Variants in GALNT15 observed in about 807,000 individuals in gnomAD.
The protein encoded by GALNT15 is polypeptide N-acetylgalactosaminyltransferase 15, also known as UDP-GalNAc transferase T15.
A neutral mutation model predicts 66.8 loss-of-function variants in GALNT15; 67 were observed. The observed-to-expected ratio is 1.00, with a 90% CI of 0.82 to 1.23. The LOEUF is 1.23. Ranked by LOEUF, GALNT15 falls within the 50% of genes most tolerant of loss-of-function variation. GALNT15 has a pLI of 0.00. For synonymous variants in GALNT15, 313 were observed against 311.5 expected (o/e 1.00, Z -0.05); for missense variants, 827 against 804.3 (o/e 1.03, Z -0.34).
Position 16,186,001 on chromosome 3 carries a change from T to A in GALNT15, c.540-9759T>A, listed in dbSNP as rs1435360530. Among the ~76,000 whole-genome samples, 1 of 152,040 alleles carries A rather than the reference T, an allele frequency of 6.6e-6. No individual in the cohort carries two copies. The highest frequency in any genetic ancestry group is 1.5e-5 in the Non-Finnish European group (1 of 68,012). On this transcript the variant is annotated intron_variant, in intron 1 of 9. Transcript: ENST00000339732. The surrounding 1 kb of genome is among the most constrained non-coding windows in gnomAD (Gnocchi z 5.1). ...GCTTCAAAAGATGTCATCAAGAAAGTGAAAAGACAATCCAAGAGTAGAAGA... is the reference window on the plus strand; with the variant it reads ...GCTTCAAAAGATGTCATCAAGAAAGAGAAAAGACAATCCAAGAGTAGAAGA...
chr3:16,175,236 AT>A lies in GALNT15; in HGVS notation c.86del (p.Met29ArgfsTer121). Reference protein sequence around the residue: ...LLLMLGCVLMMVAMLHPPHHT... With the variant: ...LLLMLGCVLMXVAMLHPPHHT... ...CCTGATGCTGGGATGCGTCCTGATG[AT>A]GGTGGCGATGTTGCACCCTCCCCAC... On this transcript the variant is annotated frameshift_variant, in exon 1 of 10. Transcript: ENST00000339732. LOFTEE classifies it high-confidence loss of function. The surrounding 1 kb of genome is among the most constrained non-coding windows in gnomAD (Gnocchi z 5.6). 6.2e-7 allele frequency: 1 copy of A among 1,614,112 alleles called. No homozygotes were observed. The highest frequency in any genetic ancestry group is 1.1e-5 in the South Asian group (1 of 91,080).
At position 16,197,978 on chromosome 3, in the gene GALNT15, G is replaced by T. The variant is rs539907319; in HGVS notation, c.706+2052G>T. Among the ~76,000 whole-genome samples, 12 of 144,512 alleles carry T rather than the reference G, an allele frequency of 8.3e-5. 1 individual carries two copies. The South Asian group carries it at 2.4e-3, about 29-fold the overall frequency. The allele number at this position is 144,512 out of a possible 152,430, so 94.8% of individuals were successfully genotyped here. On this transcript the variant is annotated intron_variant, in intron 2 of 9. Coordinates refer to ENST00000339732, the MANE Select transcript of GALNT15 (RefSeq NM_054110.5). ...CTAAATAATACTAACAAGGGTTAGA[G>T]GTATAGCTGAAGAGACCAGCAGTCA...
intron 3 of GALNT15, among the ~76,000 whole-genome samples, chr3:16,206,225 A>C (rs1228370109): frequency 6.6e-6 from 1 of 151,568 alleles, no homozygotes; most frequent in Admixed American, 6.6e-5. Context: ...ACGCACACAC[A>C]CCCCCACACT....
chr3:16,244,831 TA>T, the GALNT15 span, among the ~76,000 whole-genome samples: 5,106 of 152,254 alleles, frequency 0.034, 258 homozygotes, highest in African/African-American at 0.12. Context: ...TCATATAATT[TA>T]AAATATAACT....
rs2063520135 is a variant in GALNT15, at chr3:16,186,791, G to A, written c.540-8969G>A. On this transcript the variant is annotated intron_variant, in intron 1 of 9. Coordinates refer to ENST00000339732, the MANE Select transcript of GALNT15 (RefSeq NM_054110.5). This position sits in a 1 kb window ranked among gnomAD's most constrained non-coding sequence, Gnocchi z 5.1. ...GCCACGGGCTGTGGTAGTTGTGGGA[G>A]CAGTGGGAAGTGACTGCCAATGGGT... 6.6e-6 allele frequency among the ~76,000 whole-genome samples: 1 copy of A among 152,182 alleles called. No homozygotes were observed. The highest frequency in any genetic ancestry group is 1.5e-5 in the Non-Finnish European group (1 of 68,034).
chr3:16,207,557 T>G lies in GALNT15; in HGVS notation c.912-946T>G, dbSNP rs1417948857. 1.4e-3 allele frequency among the ~76,000 whole-genome samples: 4 copies of G among 2,872 alleles called. 2 individuals are homozygous for G. The highest frequency in any genetic ancestry group is 1.7e-3 in the Non-Finnish European group (2 of 1,154). The allele number at this position is 2,872 out of a possible 152,430, so 1.9% of individuals were successfully genotyped here. ...AAAAAAAAAAAATTGGGCCTAAAAT[T>G]CCCCACCATTACCGGGAAATGAGCA... On this transcript the variant is annotated intron_variant, in intron 3 of 9. Transcript: ENST00000339732.
intron 3 of GALNT15, among the ~76,000 whole-genome samples, chr3:16,206,214 C>CGTAG (rs1407951168): frequency 6.6e-6 from 1 of 151,892 alleles, no homozygotes; most frequent in Admixed American, 6.6e-5. Context: ...CCCATTTCTA[C>CGTAG]ACGCACACAC....
In GALNT15 at chr3:16,229,207, T is replaced by C; in HGVS notation, c.*1707T>C. ...AATACCTATCATAACTACGTATTCA[T>C]TGTCTACCTGCTAAGTCAAGGGTTC... is the stretch of plus-strand genomic sequence containing the variant. On this transcript the variant is annotated 3_prime_UTR_variant, in exon 10 of 10. Transcript: ENST00000339732. The C allele has an allele frequency of 1.0e-6, 1 of 985,424 alleles. No individual in the cohort carries two copies. The highest frequency in any genetic ancestry group is 1.2e-6 in the Non-Finnish European group (1 of 829,904). 61.0% of individuals were successfully genotyped at this position (985,424 alleles called of 1,614,324 possible). A position where few individuals can be genotyped will look rare whatever the true frequency, so the allele number is the denominator to read the frequency against.
chr3:16,185,079 G>A (rs1191870819), intron 1 of GALNT15, among the ~76,000 whole-genome samples: 3 of 152,204 alleles, frequency 2.0e-5, no homozygotes, highest in South Asian at 2.1e-4. Context: ...ACCACAGATT[G>A]TGGTCAGGCA....
chr3:16,180,008 C>G lies in GALNT15; in HGVS notation c.539+4318C>G, dbSNP rs952276824. Reference sequence around the variant, plus strand: ...ATCATCCTGGTATCCAGTGCAGGGGCAATGGGTTCCTAGGATCAAAGAGGC... The same window carrying G: ...ATCATCCTGGTATCCAGTGCAGGGGGAATGGGTTCCTAGGATCAAAGAGGC... On this transcript the variant is annotated intron_variant, in intron 1 of 9. Transcript: ENST00000339732. The surrounding 1 kb of genome is among the most constrained non-coding windows in gnomAD (Gnocchi z 5.0). 3.3e-5 allele frequency among the ~76,000 whole-genome samples: 5 copies of G among 152,170 alleles called. No homozygotes were observed. Among genetic ancestry groups the G allele is most frequent in the African/African-American group, 1.2e-4 (5 of 41,448 alleles).
At chr3:16,220,375 G>A (rs984860119) in intron 8 of GALNT15, 2 of 263,158 alleles carry the variant, frequency 7.6e-6, no homozygotes, top group South Asian at 5.9e-5. Context: ...GTTGTCCCAG[G>A]ACTGAAGAAG....
intron 1 of GALNT15, among the ~76,000 whole-genome samples, chr3:16,179,570 C>A (rs748492277): frequency 8.5e-5 from 13 of 152,126 alleles, no homozygotes; most frequent in South Asian, 4.1e-4. Context: ...AGATACTCAG[C>A]CTGAGTTAGA....
At chr3:16,205,019 C>A (rs550188437) in intron 3 of GALNT15, among the ~76,000 whole-genome samples, 4 of 152,310 alleles carry the variant, frequency 2.6e-5, no homozygotes, top group African/African-American at 9.6e-5. Context: ...CCTGCCCCCC[C>A]AGAGGGAGCA....
chr3:16,214,152 C>G (rs2063848301), intron 6 of GALNT15, among the ~76,000 whole-genome samples: 1 of 152,210 alleles, frequency 6.6e-6, no homozygotes. Flanking sequence ...TCCTTCGTTC[C>G]TCCAGGAAGG....
chr3:16,194,202 G>T (rs527855311), intron 1 of GALNT15, among the ~76,000 whole-genome samples: 96 of 152,234 alleles, frequency 6.3e-4, no homozygotes, highest in African/African-American at 2.2e-3. Context: ...CCCAACCCAC[G>T]GATTAATTAT....
At chr3:16,237,296 C>T in the GALNT15 span, among the ~76,000 whole-genome samples, 1 of 152,208 alleles carries the variant, frequency 6.6e-6, no homozygotes, top group Non-Finnish European at 1.5e-5. The surrounding 1 kb of genome is among the most constrained non-coding windows in gnomAD (Gnocchi z 4.2). Context: ...AATACAAGCT[C>T]ATAAAACCTG....
At chr3:16,243,760 G>A in the GALNT15 span, among the ~76,000 whole-genome samples, 1 of 152,234 alleles carries the variant, frequency 6.6e-6, no homozygotes, top group African/African-American at 2.4e-5. Context: ...CTAGGTGATT[G>A]TGGGAAGAAC....
At chr3:16,190,421 G>A (rs2063562128) in intron 1 of GALNT15, among the ~76,000 whole-genome samples, 1 of 152,126 alleles carries the variant, frequency 6.6e-6, no homozygotes, top group Non-Finnish European at 1.5e-5. Context: ...GGAGGATCAC[G>A]AGGTCAGGAG....
At chr3:16,190,895 A>G (rs983814151) in intron 1 of GALNT15, among the ~76,000 whole-genome samples, 1 of 152,184 alleles carries the variant, frequency 6.6e-6, no homozygotes, top group Non-Finnish European at 1.5e-5. Context: ...CAGTTGCAGA[A>G]CAAACCACAG....
Sources: allele counts gnomAD v4.1 joint callset (sites outside exome capture counted in the v4.1 genomes callset), GRCh38; gene constraint gnomAD v4.1.1; non-coding constraint Gnocchi (gnomAD v3.1); transcripts MANE v1.5; gene names NCBI Gene and HGNC (gene_info 2026-07-23, HGNC 2026-07-21).